The following ITGA9 variants were observed in gnomAD, a reference collection of about 807,000 sequenced individuals.
ITGA9 encodes integrin subunit alpha 9.
In ITGA9, 56 loss-of-function variants were observed where a neutral mutation model predicts 127.8. The observed-to-expected ratio is 0.44, with a 90% CI of 0.35 to 0.55. The LOEUF (loss-of-function observed/expected upper bound fraction) is 0.55, where lower values mean the gene tolerates loss of function less well. Among genes scored for constraint, ITGA9 ranks in the 20% least tolerant of loss-of-function variants. ITGA9 has a pLI of 0.00. For missense variants in ITGA9, 1,196 were observed against 1,347.1 expected (o/e 0.89, Z 1.76); for synonymous variants, 508 against 514.5 (o/e 0.99, Z 0.17).
At chr3:37,732,987 C>T (rs1696312969) in intron 19 of ITGA9, 189 bp downstream of exon 19, 1 of 628,814 alleles carries the variant, frequency 1.6e-6, no homozygotes, top group South Asian at 1.7e-5. Context: ...TCCGGAGGGG[C>T]TGCATCATAT....
At chr3:37,776,783 C>T (rs572641641) in intron 23 of ITGA9, among the ~76,000 whole-genome samples, 6 of 152,326 alleles carry the variant, frequency 3.9e-5, no homozygotes, top group Non-Finnish European at 7.3e-5. Context: ...CCGTCTGGCT[C>T]AGGGCAGAGA....
intron 15 of ITGA9, among the ~76,000 whole-genome samples, chr3:37,553,559 A>G (rs1699399025): frequency 6.6e-6 from 1 of 152,274 alleles, no homozygotes; most frequent in Non-Finnish European, 1.5e-5. Context: ...TATACATCCA[A>G]CATCACTGAA....
chr3:37,772,858 G>A (rs933440995), intron 23 of ITGA9, among the ~76,000 whole-genome samples: 1 of 152,128 alleles, frequency 6.6e-6, no homozygotes, highest in Admixed American at 6.5e-5. Flanking sequence ...CCCCTTTCCA[G>A]ATCCCACCAG....
chr3:37,667,529 G>A (rs1432921925), intron 17 of ITGA9, among the ~76,000 whole-genome samples: 2 of 152,188 alleles, frequency 1.3e-5, no homozygotes, highest in East Asian at 1.9e-4. Context: ...TGGGAGTGAC[G>A]TGGGCCAAGC....
At chr3:37,809,627 AT>A (rs1202784991) in intron 27 of ITGA9, among the ~76,000 whole-genome samples, 1 of 151,390 alleles carries the variant, frequency 6.6e-6, no homozygotes, top group East Asian at 1.9e-4. Flanking sequence ...AGGGAAAAAA[AT>A]TTTTTTTTCT....
intron 19 of ITGA9, among the ~76,000 whole-genome samples, chr3:37,735,780 A>C (rs527448600): frequency 2.2e-4 from 34 of 152,358 alleles, no homozygotes; most frequent in African/African-American, 7.9e-4. Context: ...TAAGTGGTAC[A>C]CTAGATAATT....
intron 5 of ITGA9, among the ~76,000 whole-genome samples, chr3:37,497,216 C>G: frequency 6.6e-6 from 1 of 151,952 alleles, no homozygotes; most frequent in East Asian, 1.9e-4. Context: ...AATCTCTTAC[C>G]TGATCTATGT....
chr3:37,684,105 C>T (rs1700759263), intron 18 of ITGA9, 90 bp downstream of exon 18: 1 of 1,088,846 alleles, frequency 9.2e-7, no homozygotes, highest in African/African-American at 1.5e-5. Flanking sequence ...AATGATTCTA[C>T]AAGCACTAAT....
chr3:37,555,053 G>A lies in ITGA9; in HGVS notation c.1689+12468G>A, dbSNP rs576451205. On this transcript the variant is annotated intron_variant, in intron 15 of 27. Transcript: ENST00000264741. ...AGAGAGGGGGACCAAGGGCTGAGCT[G>A]TGGACACTCCAACACTAAGAGCATC... Among the ~76,000 whole-genome samples, 3 of 152,292 alleles carry A rather than the reference G, an allele frequency of 2.0e-5. No homozygotes were observed. The South Asian group carries it at 6.2e-4, about 32-fold the overall frequency.
At chr3:37,785,841 TTAAC>T (rs1269464209) in intron 26 of ITGA9, among the ~76,000 whole-genome samples, 1 of 152,078 alleles carries the variant, frequency 6.6e-6, no homozygotes, top group Non-Finnish European at 1.5e-5. Flanking sequence ...TAACTGCTCT[TTAAC>T]TATTTACCAC....
chr3:37,639,218 G>A (rs1393335662), intron 16 of ITGA9, among the ~76,000 whole-genome samples: 1 of 152,162 alleles, frequency 6.6e-6, no homozygotes, highest in African/African-American at 2.4e-5. Flanking sequence ...TTAACCAGAG[G>A]AGTATTTTAA....
intron 16 of ITGA9, among the ~76,000 whole-genome samples, chr3:37,631,116 T>C (rs1242865453): frequency 6.6e-6 from 1 of 152,172 alleles, no homozygotes; most frequent in Non-Finnish European, 1.5e-5. Flanking sequence ...TAAGGTCAAA[T>C]CTTACTGGAC....
chr3:37,651,564 C>A (rs1700429977), intron 16 of ITGA9, among the ~76,000 whole-genome samples: 1 of 152,198 alleles, frequency 6.6e-6, no homozygotes, highest in African/African-American at 2.4e-5. Context: ...CCCCTGCAAT[C>A]CTCTTGGGAC....
Position 37,821,976 on chromosome 3 carries a change from C to T in ITGA9, c.*2987C>T, listed in dbSNP as rs1007454145. 1 of 151,996 alleles carries T rather than the reference C, an allele frequency of 6.6e-6. No individual in the cohort carries two copies. Among genetic ancestry groups the T allele is most frequent in the Non-Finnish European group, 1.5e-5 (1 of 68,034 alleles). 9.4% of individuals were successfully genotyped at this position (151,996 alleles called of 1,614,324 possible). A position where few individuals can be genotyped will look rare whatever the true frequency, so the allele number is the denominator to read the frequency against. On this transcript the variant is annotated 3_prime_UTR_variant, in exon 28 of 28. Transcript: ENST00000264741. Reference sequence around the variant, plus strand: ...GCAGTGATAGAGAAGTCAAGCATATCGTTAGCGCTCTCTCAACTTGGGCAG... The same window carrying T: ...GCAGTGATAGAGAAGTCAAGCATATTGTTAGCGCTCTCTCAACTTGGGCAG...
intron 18 of ITGA9, among the ~76,000 whole-genome samples, chr3:37,709,810 G>A (rs950450276): frequency 6.6e-5 from 10 of 152,208 alleles, no homozygotes; most frequent in Admixed American, 3.3e-4. Flanking sequence ...TGGAAAGTCC[G>A]GAGTAGACAG....
intron 15 of ITGA9, among the ~76,000 whole-genome samples, chr3:37,555,656 A>G (rs1699423735): frequency 6.6e-6 from 1 of 152,236 alleles, no homozygotes; most frequent in Non-Finnish European, 1.5e-5. Context: ...AAATACAAAT[A>G]ATAGATTGAG....
intron 17 of ITGA9, among the ~76,000 whole-genome samples, chr3:37,666,849 T>C (rs1417285401): frequency 6.6e-6 from 1 of 152,196 alleles, no homozygotes; most frequent in African/African-American, 2.4e-5. Flanking sequence ...TGGCACTTTG[T>C]CCTGCAGGGA....
chr3:37,720,402 G>A (rs1010257730), intron 18 of ITGA9, among the ~76,000 whole-genome samples: 3 of 152,120 alleles, frequency 2.0e-5, no homozygotes, highest in Non-Finnish European at 4.4e-5. Flanking sequence ...GTCCCCACTT[G>A]TTGAGTTTTC....
Position 37,472,249 on chromosome 3 carries a change from G to C in ITGA9, c.314-1105G>C, listed in dbSNP as rs1698439025. Among the ~76,000 whole-genome samples the C allele has an allele frequency of 2.0e-5, 3 of 152,192 alleles. No individual in the cohort carries two copies. In the South Asian group the frequency reaches 6.2e-4, roughly 32 times the overall value. The stretch of plus-strand genomic sequence containing the variant: ...ACCTACCTCGCAAGGATGGTCTTGA[G>C]AAGATTAAGTGAGATAATACAGGTG... On this transcript the variant is annotated intron_variant, in intron 2 of 27. Coordinates refer to ENST00000264741, the MANE Select transcript of ITGA9 (RefSeq NM_002207.3).
Sources: gnomAD v4.1 joint callset for allele counts (sites outside exome capture counted in the v4.1 genomes callset) on GRCh38, gnomAD v4.1.1 for gene constraint, MANE v1.5 for transcripts, NCBI Gene and HGNC (gene_info 2026-07-23, HGNC 2026-07-21) for gene names.